RNF170: variants seen among roughly 807,000 people sequenced by gnomAD.
RNF170 encodes the protein E3 ubiquitin-protein ligase RNF170.
In RNF170, 12 loss-of-function variants were observed where a neutral mutation model predicts 32.7. The ratio of observed to expected loss-of-function variants is 0.37; its 90% CI spans 0.24 to 0.60. RNF170 has a LOEUF of 0.60. Ranked by LOEUF, RNF170 falls within the 20% of genes least tolerant of loss-of-function variation. The probability of loss-of-function intolerance (pLI) is 0.72; values close to 1 mark genes in which losing one functional copy is unlikely to be tolerated. For synonymous variants in RNF170, 91 were observed against 103.6 expected, an observed-to-expected ratio of 0.88 and a Z score of 0.74; for missense variants, 212 against 311.2, an observed-to-expected ratio of 0.68 and a Z score of 2.40.
At chr8:42,871,535 T>C (rs1189301443) in intron 3 of RNF170, among the ~76,000 whole-genome samples, 1 of 152,060 alleles carries the variant, frequency 6.6e-6, no homozygotes, top group African/African-American at 2.4e-5. Context: ...TCAGTTCTAA[T>C]GCTACAAAAA....
At chr8:42,872,216 A>C (rs1281451278) in intron 3 of RNF170, among the ~76,000 whole-genome samples, 1 of 152,168 alleles carries the variant, frequency 6.6e-6, no homozygotes, top group East Asian at 1.9e-4. Flanking sequence ...ATTCTCCTCA[A>C]TCTGGGGCCC....
Position 42,861,868 on chromosome 8 carries a change from G to GAA in RNF170, c.397-15_397-14dup. 2 of 1,576,710 alleles carry GAA rather than the reference G, an allele frequency of 1.3e-6. No individual in the cohort carries two copies. Among genetic ancestry groups the GAA allele is most frequent in the Non-Finnish European group, 1.7e-6 (2 of 1,162,368 alleles). On this transcript the variant is annotated splice_polypyrimidine_tract_variant and intron_variant, in intron 5 of 6. Coordinates refer to ENST00000527424, the MANE Select transcript of RNF170 (RefSeq NM_030954.4). ...GGAGTAAGGTTACCTGTATATTACAGAAAAAAAAATTATTTCAACTTTCTG... is the reference window on the plus strand; with the variant it reads ...GGAGTAAGGTTACCTGTATATTACAGAAAAAAAAAAATTATTTCAACTTTCTG...
At position 42,854,671 on chromosome 8, in the gene RNF170, G is replaced by A; in HGVS notation, c.*1488C>T. 1 of 1,287,190 alleles carries A rather than the reference G, an allele frequency of 7.8e-7. No individual in the cohort carries two copies. Among genetic ancestry groups the A allele is most frequent in the Non-Finnish European group, 1.0e-6 (1 of 988,646 alleles). 79.7% of individuals were successfully genotyped at this position (1,287,190 alleles called of 1,614,324 possible). A position where few individuals can be genotyped will look rare whatever the true frequency, so the allele number is the denominator to read the frequency against. On this transcript the variant is annotated 3_prime_UTR_variant, in exon 7 of 7. Transcript: ENST00000527424. ...TGACAGATTTTCTCCTTATCTCCCA[G>A]TCTGCATATAGTGAAGCTCACTAAT...
intron 4 of RNF170, among the ~76,000 whole-genome samples, chr8:42,865,820 C>G (rs765489362): frequency 1.8e-4 from 27 of 152,090 alleles, no homozygotes; most frequent in Non-Finnish European, 3.4e-4. Context: ...CCCGTCTCTA[C>G]TAAAAAATAC....
At chr8:42,858,010 G>A (rs2128923828) in intron 6 of RNF170, among the ~76,000 whole-genome samples, 1 of 152,296 alleles carries the variant, frequency 6.6e-6, no homozygotes, top group South Asian at 2.1e-4. Context: ...ATTCTGGCCT[G>A]GGCGACAGAG....
At position 42,870,115 on chromosome 8, in the gene RNF170, A is replaced by T; in HGVS notation, c.214-3T>A. ...TGTCGAGTGGCAGCAGGTGCATCCT[A>T]ATAAGAACACAGGTGCACACATTGG... is the stretch of plus-strand genomic sequence containing the variant. On this transcript the variant is annotated splice_polypyrimidine_tract_variant and splice_region_variant and intron_variant, in intron 3 of 6. Coordinates refer to ENST00000527424, the MANE Select transcript of RNF170 (RefSeq NM_030954.4). 1 of 1,605,958 alleles carries T rather than the reference A, an allele frequency of 6.2e-7. No individual in the cohort carries two copies. The highest frequency in any genetic ancestry group is 8.5e-7 in the Non-Finnish European group (1 of 1,172,752).
intron 3 of RNF170, among the ~76,000 whole-genome samples, chr8:42,872,485 C>G (rs2128936530): frequency 6.6e-6 from 1 of 152,256 alleles, no homozygotes; most frequent in Non-Finnish European, 1.5e-5. Context: ...TCTCTGTCAC[C>G]AGGCTGGAGT....
intron 2 of RNF170, among the ~76,000 whole-genome samples, chr8:42,874,481 C>T (rs867526455): frequency 8.5e-5 from 13 of 152,296 alleles, no homozygotes; most frequent in African/African-American, 3.1e-4. Context: ...TGGCTCATGC[C>T]TGTAATCCCA....
upstream of RNF170, chr8:42,897,261 C>A: frequency 1.9e-6 from 2 of 1,058,444 alleles, no homozygotes; most frequent in Non-Finnish European, 2.4e-6. Flanking sequence ...ACGCGCGGCC[C>A]GTGGGGCGAG....
At chr8:42,895,628 A>C (rs1806736978) in intron 1 of RNF170, among the ~76,000 whole-genome samples, 1 of 152,240 alleles carries the variant, frequency 6.6e-6, no homozygotes, top group Non-Finnish European at 1.5e-5. Flanking sequence ...AGTCTGAACA[A>C]AATGCCCAAC....
rs1162397144 is a variant in RNF170, at chr8:42,883,509, C to T, written c.137+4219G>A. ...GCTTGAACCCGGGAGGCGGAGCTTG[C>T]AGTGAGCCGAGATTGCGCCACTGCA... On this transcript the variant is annotated intron_variant, in intron 2 of 6. Coordinates refer to ENST00000527424, the MANE Select transcript of RNF170 (RefSeq NM_030954.4). Among the ~76,000 whole-genome samples, 3 of 136,428 alleles carry T rather than the reference C, an allele frequency of 2.2e-5. No homozygotes were observed. The Admixed American group carries it at 2.5e-4, about 11-fold the overall frequency. 89.5% of individuals were successfully genotyped at this position (136,428 alleles called of 152,430 possible). A position where few individuals can be genotyped will look rare whatever the true frequency, so the allele number is the denominator to read the frequency against.
chr8:42,863,614 GTA>G (rs1045766605), intron 5 of RNF170, among the ~76,000 whole-genome samples: 53 of 152,098 alleles, frequency 3.5e-4, no homozygotes, highest in African/African-American at 1.3e-3. Context: ...GCTAATTTTT[GTA>G]TATTTAGTAC....
chr8:42,880,244 T>G (rs1805283016), intron 2 of RNF170, among the ~76,000 whole-genome samples: 1 of 152,222 alleles, frequency 6.6e-6, no homozygotes, highest in African/African-American at 2.4e-5. Flanking sequence ...AGATAGAATC[T>G]AATCCTGGTA....
At chr8:42,857,083 T>A (rs918543543) in intron 6 of RNF170, among the ~76,000 whole-genome samples, 1 of 152,232 alleles carries the variant, frequency 6.6e-6, no homozygotes, top group Non-Finnish European at 1.5e-5. Context: ...TGAAACTGAT[T>A]CCTTCTGGTG....
chr8:42,849,715 TCTGATAAAGGTCAGAATGGATAA>T (rs1391673186), downstream of RNF170: 1 of 152,240 alleles, frequency 6.6e-6, no homozygotes, highest in Non-Finnish European at 1.5e-5. Context: ...TGTGCCTGTG[TCTGATAAAGGTCAGAATGGATAA>T]CATTGTGAAC....
rs1563651846 is a variant in RNF170 at position 42,854,227 on chromosome 8, G to A, written c.*1932C>T. The A allele has an allele frequency of 2.3e-6, 3 of 1,287,196 alleles. No homozygotes were observed. Among genetic ancestry groups the A allele is most frequent in the Non-Finnish European group, 3.0e-6 (3 of 988,686 alleles). The allele number at this position is 1,287,196 out of a possible 1,614,324, so 79.7% of individuals were successfully genotyped here. On this transcript the variant is annotated 3_prime_UTR_variant, in exon 7 of 7. Coordinates refer to ENST00000527424, the MANE Select transcript of RNF170 (RefSeq NM_030954.4). ...CCTAAGCTGTCTTACTCTGATGGAGGTATAATGTAGCACGAAAGACTTCCA... is the reference window on the plus strand; with the variant it reads ...CCTAAGCTGTCTTACTCTGATGGAGATATAATGTAGCACGAAAGACTTCCA...
intron 6 of RNF170, among the ~76,000 whole-genome samples, chr8:42,861,068 A>T (rs1028942219): frequency 2.0e-5 from 3 of 152,228 alleles, no homozygotes; most frequent in African/African-American, 7.2e-5. Context: ...GGGCAAATAG[A>T]ATAAACCACA....
chr8:42,852,764 A>C (rs1001219327), downstream of RNF170, among the ~76,000 whole-genome samples: 2 of 152,148 alleles, frequency 1.3e-5, no homozygotes, highest in Non-Finnish European at 2.9e-5. Flanking sequence ...CTGAATGTTG[A>C]ATTTTTCTTT....
At chr8:42,893,517 C>T (rs907635351) in intron 1 of RNF170, among the ~76,000 whole-genome samples, 7 of 152,166 alleles carry the variant, frequency 4.6e-5, no homozygotes, top group Admixed American at 3.9e-4. Flanking sequence ...ACGTAAAAGG[C>T]ATTAGGTTGA....
Sources: gnomAD v4.1 joint callset for allele counts (sites outside exome capture counted in the v4.1 genomes callset) on GRCh38, gnomAD v4.1.1 for gene constraint, MANE v1.5 for transcripts, NCBI Gene and HGNC (gene_info 2026-07-23, HGNC 2026-07-21) for gene names.